The following WNT2B variants were observed in gnomAD, a reference collection of about 807,000 sequenced individuals.
The protein encoded by WNT2B is Wnt family member 2B, also known as protein Wnt-2b.
WNT2B carries 19 observed loss-of-function variants against 40.5 expected under a neutral mutation model. The ratio of observed to expected loss-of-function variants is 0.47; its 90% confidence interval spans 0.33 to 0.69. WNT2B has a LOEUF of 0.69. WNT2B is among the 30% of genes least tolerant of loss of function. The pLI, the probability that WNT2B is intolerant of heterozygous loss-of-function variation, is 0.02. For synonymous variants in WNT2B, 220 were observed against 211.9 expected (o/e 1.04, Z -0.33); for missense variants, 467 against 556.4 (o/e 0.84, Z 1.62).
At chr1:112,486,145 A>ACACACG (rs1290817333) in intron 1 of WNT2B, among the ~76,000 whole-genome samples, 1 of 151,808 alleles carries the variant, frequency 6.6e-6, no homozygotes, top group East Asian at 1.9e-4. Flanking sequence ...ACACACACAC[A>ACACACG]CACACACACA....
intron 1 of WNT2B, among the ~76,000 whole-genome samples, chr1:112,479,521 C>T (rs1290063877): frequency 6.6e-6 from 1 of 151,668 alleles, no homozygotes; most frequent in Non-Finnish European, 1.5e-5. Flanking sequence ...TTGCAGTGAG[C>T]CAAGATCACA....
At chr1:112,504,355 G>A (rs186376050), upstream of WNT2B, among the ~76,000 whole-genome samples, 7 of 151,882 alleles carry the variant, frequency 4.6e-5, no homozygotes, top group East Asian at 1.4e-3. Flanking sequence ...AGCAGTTTGT[G>A]CCCCTGTTTA....
Position 112,476,352 on chromosome 1 carries a change from T to C in WNT2B, c.-95+8761T>C, listed in dbSNP as rs551309052. ...ATTAAAAAAGAAGAAAGATATAAAATCAGTTAAGCAAATAGAAGTTCAAAT... is the reference window on the plus strand; with the variant it reads ...ATTAAAAAAGAAGAAAGATATAAAACCAGTTAAGCAAATAGAAGTTCAAAT... On this transcript the variant is annotated intron_variant, in intron 1 of 4. Transcript: ENST00000256640. 2.0e-5 allele frequency among the ~76,000 whole-genome samples: 3 copies of C among 151,846 alleles called. No homozygotes were observed. The South Asian group carries it at 6.3e-4, about 32-fold the overall frequency.
chr1:112,467,454 T>C, exon 1 of WNT2B: 1 of 737,952 alleles, frequency 1.4e-6, no homozygotes, highest in Non-Finnish European at 2.5e-6. Flanking sequence ...GTTGTAAAAT[T>C]TGCAAAATAA....
chr1:112,516,179 C>T lies in WNT2B; in HGVS notation c.443C>T (p.Ala148Val). Residue 148 changes from alanine (A) to valine (V), a missense_variant, in exon 3 of 5, where the codon GCA becomes GTA. By Grantham distance (64) the Ala-to-Val change is moderately conservative. Coordinates refer to ENST00000369684, the MANE Select transcript of WNT2B (RefSeq NM_024494.3). ...EAAFVYAISS[A>V]GVVHAITRAC... is the part of the protein sequence containing the mutation. ...GCTTTTGTATATGCCATCTCATCAG[C>T]AGGGGTAGTCCACGCTATTACTCGC... 2.5e-6 allele frequency: 4 copies of T among 1,613,966 alleles called. No individual in the cohort carries two copies. Among genetic ancestry groups the T allele is most frequent in the Non-Finnish European group, 3.4e-6 (4 of 1,179,944 alleles).
At position 112,526,298 on chromosome 1, in the gene WNT2B, C is replaced by G. The variant is rs1271012819; in HGVS notation, c.*5789C>G. On this transcript the variant is annotated 3_prime_UTR_variant, in exon 5 of 5. Transcript: ENST00000369684. ...CCATGTGACCACTATACAACATATT[C>G]CACATTTAAACAACTCTGGCTCCTA... is the stretch of plus-strand genomic sequence containing the variant. 2 of 614,204 alleles carry G rather than the reference C, an allele frequency of 3.3e-6. No individual in the cohort carries two copies. Among genetic ancestry groups the G allele is most frequent in the African/African-American group, 1.8e-5 (1 of 55,054 alleles). The allele number at this position is 614,204 out of a possible 1,614,324, so 38.0% of individuals were successfully genotyped here.
chr1:112,526,161 G>C lies in WNT2B; in HGVS notation c.*5652G>C, dbSNP rs1178121882. 2 of 1,611,254 alleles carry C rather than the reference G, an allele frequency of 1.2e-6. No homozygotes were observed. Among genetic ancestry groups the C allele is most frequent in the Non-Finnish European group, 1.7e-6 (2 of 1,179,250 alleles). ...ATGTTCAAGCCCTGTAGGAGTCCCAGGACAGCCAAGAGAGTATATCTGAGC... is the reference window on the plus strand; with the variant it reads ...ATGTTCAAGCCCTGTAGGAGTCCCACGACAGCCAAGAGAGTATATCTGAGC... On this transcript the variant is annotated 3_prime_UTR_variant, in exon 5 of 5. Transcript: ENST00000369684.
chr1:112,490,528 C>T (rs1469927941), intron 1 of WNT2B, among the ~76,000 whole-genome samples: 6 of 148,338 alleles, frequency 4.0e-5, no homozygotes, highest in Non-Finnish European at 8.9e-5. Context: ...CTCGCTCTGT[C>T]TCCCAGGTTG....
intron 1 of WNT2B, among the ~76,000 whole-genome samples, chr1:112,480,268 G>A (rs1228550006): frequency 6.6e-6 from 1 of 151,024 alleles, no homozygotes; most frequent in African/African-American, 2.4e-5. Context: ...TTGGGAGGCT[G>A]AGGCAGGAGA....
chr1:112,469,104 A>C (rs943972324), intron 1 of WNT2B, among the ~76,000 whole-genome samples: 1 of 152,122 alleles, frequency 6.6e-6, no homozygotes, highest in African/African-American at 2.4e-5. Flanking sequence ...GTTGAAGATG[A>C]GTTAGCTGTA....
intron 1 of WNT2B, among the ~76,000 whole-genome samples, chr1:112,495,579 A>C (rs1015843034): frequency 1.4e-5 from 2 of 146,086 alleles, no homozygotes; most frequent in Non-Finnish European, 3.0e-5. Context: ...ACAGAGCGAG[A>C]CTCTGTCTCA....
intron 1 of WNT2B, among the ~76,000 whole-genome samples, chr1:112,485,025 C>T (rs1413095301): frequency 6.6e-6 from 1 of 152,174 alleles, no homozygotes; most frequent in African/African-American, 2.4e-5. Context: ...AAAATTCCAA[C>T]AGGCTTTTTT....
chr1:112,504,004 C>T (rs980324287), upstream of WNT2B, among the ~76,000 whole-genome samples: 72 of 152,184 alleles, frequency 4.7e-4, no homozygotes, highest in African/African-American at 1.6e-3. Context: ...ACTTCCAGAT[C>T]ATTCTAGGGC....
chr1:112,517,484 G>T, intron 4 of WNT2B, 99 bp downstream of exon 4: 1 of 1,440,882 alleles, frequency 6.9e-7, no homozygotes. Flanking sequence ...TAGGGAAGGG[G>T]GTGCTGTGGG....
intron 1 of WNT2B, among the ~76,000 whole-genome samples, chr1:112,499,433 T>C (rs1292785875): frequency 6.6e-6 from 1 of 152,104 alleles, no homozygotes; most frequent in East Asian, 1.9e-4. Flanking sequence ...TCCAATAATG[T>C]ATAAAAAGAA....
rs1429816562 is a variant in WNT2B, at chr1:112,526,844, G to C, written c.*6335G>C. Reference sequence around the variant, plus strand: ...TTAGGAAAGCAAGATGAGGGAATAAGTGTCCTAAGAAACTCCCATCCCAAG... The same window carrying C: ...TTAGGAAAGCAAGATGAGGGAATAACTGTCCTAAGAAACTCCCATCCCAAG... On this transcript the variant is annotated 3_prime_UTR_variant, in exon 5 of 5. Transcript: ENST00000369684. 6.6e-6 allele frequency: 1 copy of C among 152,118 alleles called. No individual in the cohort carries two copies. Among genetic ancestry groups the C allele is most frequent in the African/African-American group, 2.4e-5 (1 of 41,420 alleles). 9.4% of individuals were successfully genotyped at this position (152,118 alleles called of 1,614,324 possible). A position where few individuals can be genotyped will look rare whatever the true frequency, so the allele number is the denominator to read the frequency against.
intron 1 of WNT2B, among the ~76,000 whole-genome samples, chr1:112,467,947 C>T (rs563969509): frequency 6.6e-6 from 1 of 152,298 alleles, no homozygotes; most frequent in African/African-American, 2.4e-5. Context: ...ATCAACTTCT[C>T]TTCATTCCCC....
chr1:112,509,085 C>A lies in WNT2B; in HGVS notation c.-178C>A, dbSNP rs1652238922. 1.5e-6 allele frequency: 2 copies of A among 1,351,778 alleles called. No individual in the cohort carries two copies. Among genetic ancestry groups the A allele is most frequent in the Admixed American group, 4.0e-5 (1 of 25,112 alleles). The allele number at this position is 1,351,778 out of a possible 1,614,324, so 83.7% of individuals were successfully genotyped here. A position where few individuals can be genotyped will look rare whatever the true frequency, so the allele number is the denominator to read the frequency against. On this transcript the variant is annotated 5_prime_UTR_variant, in exon 1 of 5. Coordinates refer to ENST00000369684, the MANE Select transcript of WNT2B (RefSeq NM_024494.3). The surrounding 1 kb of genome is among the most constrained non-coding windows in gnomAD (Gnocchi z 4.2). ...CGTCGTCGGCTTCCGGACATCGCAA[C>A]TTGCGCCCCTCTCGGGGATCCTCCT...
At chr1:112,494,437 T>C (rs1651705993) in intron 1 of WNT2B, among the ~76,000 whole-genome samples, 1 of 151,388 alleles carries the variant, frequency 6.6e-6, no homozygotes, top group Non-Finnish European at 1.5e-5. Context: ...GGCACAATCA[T>C]GGCTCACTGC....
Sources: allele counts gnomAD v4.1 joint callset (sites outside exome capture counted in the v4.1 genomes callset), GRCh38; gene constraint gnomAD v4.1.1; non-coding constraint Gnocchi (gnomAD v3.1); transcripts MANE v1.5; gene names NCBI Gene and HGNC (gene_info 2026-07-23, HGNC 2026-07-21).